The following KCNQ1 variants were observed in gnomAD, a reference collection of about 807,000 sequenced individuals.
The protein encoded by KCNQ1 is potassium voltage-gated channel subfamily Q member 1, also known as potassium voltage-gated channel subfamily KQT member 1.
KCNQ1 carries 49 observed loss-of-function variants against 72.4 expected under a neutral mutation model. The ratio of observed to expected loss-of-function variants is 0.68; its 90% CI spans 0.54 to 0.86. The LOEUF (loss-of-function observed/expected upper bound fraction) is 0.86, where lower values mean the gene tolerates loss of function less well. Among genes scored for constraint, KCNQ1 ranks in the 40% least tolerant of loss-of-function variants. The pLI is 0.00. For missense variants in KCNQ1, 790 were observed against 945.1 expected (o/e 0.84, Z 2.15); for synonymous variants, 450 against 412.6 (o/e 1.09, Z -1.10).
chr11:2,505,264 A>G (rs1847084069), intron 1 of KCNQ1, among the ~76,000 whole-genome samples: 1 of 151,874 alleles, frequency 6.6e-6, no homozygotes, highest in South Asian at 2.1e-4. Flanking sequence ...ATGTTGTTTC[A>G]TTTCCATACA....
intron 11 of KCNQ1, among the ~76,000 whole-genome samples, chr11:2,716,296 C>A (rs1168652558): frequency 1.3e-5 from 2 of 152,116 alleles, no homozygotes; most frequent in Non-Finnish European, 2.9e-5. Flanking sequence ...CCCACACCTA[C>A]CCTCTGCATC....
rs1471473482 is a variant in KCNQ1 at position 2,588,389 on chromosome 11, C to T, written c.1252-324C>T. Among the ~76,000 whole-genome samples, 1 of 152,190 alleles carries T rather than the reference C, an allele frequency of 6.6e-6. No homozygotes were observed. The highest frequency in any genetic ancestry group is 1.5e-5 in the Non-Finnish European group (1 of 68,028). On this transcript the variant is annotated intron_variant, in intron 9 of 15. Coordinates refer to ENST00000155840, the MANE Select transcript of KCNQ1 (RefSeq NM_000218.3). The surrounding 1 kb of genome is among the most constrained non-coding windows in gnomAD (Gnocchi z 5.6). ...CCTGCTGGCCCCCAGCCTGTTCCCC[C>T]GATATGCATTCTCCCCTACTGGTCA... is the stretch of plus-strand genomic sequence containing the variant.
At chr11:2,847,741 T>A (rs1472895369) in intron 15 of KCNQ1, 26 bp from the exon 16 acceptor site, 1 of 1,565,248 alleles carries the variant, frequency 6.4e-7, no homozygotes, top group Non-Finnish European at 8.7e-7. Flanking sequence ...CACCACTGAC[T>A]CTCTCGTCTG....
intron 2 of KCNQ1, among the ~76,000 whole-genome samples, chr11:2,568,533 C>T (rs1848279520): frequency 6.6e-6 from 1 of 152,214 alleles, no homozygotes; most frequent in African/African-American, 2.4e-5. Flanking sequence ...TTATGGTGTC[C>T]AGGCCCGGTC....
chr11:2,551,646 A>G, intron 2 of KCNQ1, among the ~76,000 whole-genome samples: 1 of 152,122 alleles, frequency 6.6e-6, no homozygotes, highest in African/African-American at 2.4e-5. Flanking sequence ...CATGTGTTAG[A>G]TGCATATTTT....
At chr11:2,632,506 G>A (rs1849377532) in intron 10 of KCNQ1, 1 of 398,288 alleles carries the variant, frequency 2.5e-6, no homozygotes, top group Non-Finnish European at 4.4e-6. Flanking sequence ...TTTCTTCTAG[G>A]AGTCTTTTTC....
chr11:2,679,688 A>AT lies in KCNQ1; in HGVS notation c.1514+17615dup, dbSNP rs550813650. 8 of 398,358 alleles carry AT rather than the reference A, an allele frequency of 2.0e-5. No individual in the cohort carries two copies. The highest frequency in any genetic ancestry group is 1.4e-4 in the East Asian group (4 of 28,056). The allele number at this position is 398,358 out of a possible 1,614,324, so 24.7% of individuals were successfully genotyped here. On this transcript the variant is annotated intron_variant, in intron 11 of 15. Coordinates refer to ENST00000155840, the MANE Select transcript of KCNQ1 (RefSeq NM_000218.3). This position sits in a 1 kb window ranked among gnomAD's most constrained non-coding sequence, Gnocchi z 4.8. ...TAGGATGCATAGGATCCCAGATTAG[A>AT]TTTTTTTTAAATCAGCCGTTCTCTG...
chr11:2,666,096 C>T, intron 11 of KCNQ1: 1 of 398,670 alleles, frequency 2.5e-6, no homozygotes, highest in Non-Finnish European at 4.4e-6. Flanking sequence ...TCTGCCCAGC[C>T]CAGTCATGTG....
intron 15 of KCNQ1, among the ~76,000 whole-genome samples, chr11:2,810,583 G>A (rs955743683): frequency 1.3e-5 from 2 of 152,208 alleles, no homozygotes; most frequent in Non-Finnish European, 2.9e-5. Context: ...CTCATTTGAT[G>A]GGCACGACAG....
At chr11:2,692,973 C>T in intron 11 of KCNQ1, 1 of 398,658 alleles carries the variant, frequency 2.5e-6, no homozygotes, top group Non-Finnish European at 4.4e-6. Flanking sequence ...GCCCACTGAA[C>T]TCTCCTGGTT....
intron 15 of KCNQ1, among the ~76,000 whole-genome samples, chr11:2,804,591 G>A (rs189701243): frequency 6.6e-6 from 1 of 152,338 alleles, no homozygotes; most frequent in African/African-American, 2.4e-5. Flanking sequence ...AGTGGTTCCA[G>A]GGCTCATATA....
At chr11:2,487,703 A>G (rs1846765271) in intron 1 of KCNQ1, among the ~76,000 whole-genome samples, 1 of 152,156 alleles carries the variant, frequency 6.6e-6, no homozygotes, top group Admixed American at 6.5e-5. Flanking sequence ...CTGATTTTGC[A>G]TGTTTACCTT....
intron 10 of KCNQ1, chr11:2,636,333 G>A (rs1184693859): frequency 1.3e-5 from 2 of 151,902 alleles, no homozygotes; most frequent in Non-Finnish European, 2.9e-5. Context: ...GTCATAAATA[G>A]CTCTTATTAT....
At chr11:2,692,465 G>A in intron 11 of KCNQ1, 1 of 398,718 alleles carries the variant, frequency 2.5e-6, no homozygotes, top group Non-Finnish European at 4.4e-6. Flanking sequence ...TAATCCTGCA[G>A]CTGCCTTTCT....
In KCNQ1 at chr11:2,572,103, C is replaced by T. The variant is rs1848345991; in HGVS notation, c.774C>T (p.His258=). Residue 258 remains histidine (H), a synonymous_variant, in exon 5 of 16, where the codon CAC becomes CAT. Coordinates refer to ENST00000155840, the MANE Select transcript of KCNQ1 (RefSeq NM_000218.3). ...WRLLGSVVFI[H]RQELITTLYI... is the part of the protein sequence containing the mutation. ...TCCTGGGCTCCGTGGTCTTCATCCA[C>T]CGCCAGGTGGGTGGCCCGGGTTAGG... 8.1e-6 allele frequency: 13 copies of T among 1,611,744 alleles called. No individual in the cohort carries two copies. The highest frequency in any genetic ancestry group is 1.1e-5 in the South Asian group (1 of 90,994).
rs1353432962 is a variant in KCNQ1 at position 2,842,022 on chromosome 11, A to G, written c.1795-5745A>G. On this transcript the variant is annotated intron_variant, in intron 15 of 15. Coordinates refer to ENST00000155840, the MANE Select transcript of KCNQ1 (RefSeq NM_000218.3). Reference sequence around the variant, plus strand: ...GCTGTGCCGAGGACCCGCTGAGGACATAACCGACCATGAGCGGTGTGGGTC... The same window carrying G: ...GCTGTGCCGAGGACCCGCTGAGGACGTAACCGACCATGAGCGGTGTGGGTC... Among the ~76,000 whole-genome samples, 4 of 152,326 alleles carry G rather than the reference A, an allele frequency of 2.6e-5. No homozygotes were observed. The East Asian group carries it at 5.8e-4, about 22-fold the overall frequency.
chr11:2,558,830 G>A (rs1046359309), intron 2 of KCNQ1, among the ~76,000 whole-genome samples: 12 of 152,218 alleles, frequency 7.9e-5, no homozygotes, highest in African/African-American at 2.9e-4. Context: ...AGGCCCGGAA[G>A]CCGGCAGTCC....
chr11:2,511,961 A>C (rs1407865712), intron 1 of KCNQ1, among the ~76,000 whole-genome samples: 2 of 152,222 alleles, frequency 1.3e-5, no homozygotes, highest in Non-Finnish European at 2.9e-5. Flanking sequence ...ATGAGGAAGC[A>C]GTGCAGAGGA....
At chr11:2,521,064 A>G (rs1401964910) in intron 1 of KCNQ1, among the ~76,000 whole-genome samples, 1 of 151,638 alleles carries the variant, frequency 6.6e-6, no homozygotes, top group Non-Finnish European at 1.5e-5. Context: ...TTTTATTGTG[A>G]TAAAATACAC....
Sources: allele counts gnomAD v4.1 joint callset (sites outside exome capture counted in the v4.1 genomes callset), GRCh38; gene constraint gnomAD v4.1.1; non-coding constraint Gnocchi (gnomAD v3.1); transcripts MANE v1.5; gene names NCBI Gene and HGNC (gene_info 2026-07-23, HGNC 2026-07-21).